LRRC7: variants seen among roughly 807,000 people sequenced by gnomAD.
LRRC7 encodes leucine-rich repeat-containing protein 7.
LRRC7 carries 23 observed loss-of-function variants against 175.7 expected under a neutral mutation model. The observed-to-expected ratio is 0.13, with a 90% confidence interval of 0.09 to 0.19. The LOEUF is 0.19. Ranked by LOEUF, LRRC7 falls within the 10% of genes least tolerant of loss-of-function variation. The probability of loss-of-function intolerance (pLI) is 1.00; values close to 1 mark genes in which losing one functional copy is unlikely to be tolerated. For synonymous variants in LRRC7, 685 were observed against 680.9 expected (o/e 1.01, Z -0.09); for missense variants, 1,354 against 1,904.7 (o/e 0.71, Z 5.38).
intron 26 of LRRC7, among the ~76,000 whole-genome samples, chr1:70,121,051 A>C (rs1482330348): frequency 1.3e-5 from 2 of 152,076 alleles, no homozygotes; most frequent in Non-Finnish European, 2.9e-5. Context: ...CATAATAGAC[A>C]GATGGAACTC....
chr1:69,789,655 A>G (rs2101053819), intron 3 of LRRC7, among the ~76,000 whole-genome samples: 1 of 152,178 alleles, frequency 6.6e-6, no homozygotes, highest in South Asian at 2.1e-4. Context: ...TAGCTGGAAT[A>G]TAGCACTCTC....
intron 7 of LRRC7, among the ~76,000 whole-genome samples, chr1:69,928,641 A>AT (rs1228917614): frequency 3.9e-5 from 6 of 152,172 alleles, no homozygotes; most frequent in African/African-American, 1.4e-4. Context: ...CTGGTGCGCC[A>AT]TTTTTTAAGC....
intron 1 of LRRC7, among the ~76,000 whole-genome samples, chr1:69,614,920 A>T (rs1330281105): frequency 6.6e-6 from 1 of 152,100 alleles, no homozygotes; most frequent in East Asian, 1.9e-4. Context: ...TTCACAACCT[A>T]TCCCACCTAA....
chr1:69,746,139 T>A (rs898628839), intron 2 of LRRC7, among the ~76,000 whole-genome samples: 1 of 151,950 alleles, frequency 6.6e-6, no homozygotes, highest in Non-Finnish European at 1.5e-5. Flanking sequence ...GCTCTTCAAT[T>A]TACATCCATG....
intron 7 of LRRC7, among the ~76,000 whole-genome samples, chr1:69,851,578 G>T (rs1682990811): frequency 6.6e-6 from 1 of 152,116 alleles, no homozygotes; most frequent in African/African-American, 2.4e-5. Flanking sequence ...CCCGGGAGTG[G>T]AAAGATAAAA....
At chr1:69,709,234 G>T (rs1022232710) in intron 2 of LRRC7, among the ~76,000 whole-genome samples, 8 of 152,214 alleles carry the variant, frequency 5.3e-5, no homozygotes, top group Non-Finnish European at 1.2e-4. Flanking sequence ...ACAGTTCAGT[G>T]CAGATTGAGA....
chr1:69,619,943 C>A (rs199835418), intron 1 of LRRC7, among the ~76,000 whole-genome samples: 1 of 134,766 alleles, frequency 7.4e-6, no homozygotes, highest in Non-Finnish European at 1.6e-5. Flanking sequence ...TTTAATATAA[C>A]AATATAAAAA....
intron 11 of LRRC7, among the ~76,000 whole-genome samples, chr1:69,999,415 G>GA (rs1003368839): frequency 1.3e-5 from 2 of 152,034 alleles, no homozygotes; most frequent in Admixed American, 1.3e-4. Flanking sequence ...CACAAAGCCA[G>GA]AAAAAAATAC....
Position 69,938,058 on chromosome 1 carries a change from A to G in LRRC7, c.711+6488A>G, listed in dbSNP as rs1648234531. ...AACAAAATATGATTTTAAAAACAAAACATTGAAATGATAGCAGCAAAAATA... is the reference window on the plus strand; with the variant it reads ...AACAAAATATGATTTTAAAAACAAAGCATTGAAATGATAGCAGCAAAAATA... On this transcript the variant is annotated intron_variant, in intron 8 of 26. Transcript: ENST00000651989. Among the ~76,000 whole-genome samples, 3 of 152,130 alleles carry G rather than the reference A, an allele frequency of 2.0e-5. No individual in the cohort carries two copies. The South Asian group carries it at 6.2e-4, about 32-fold the overall frequency.
At chr1:69,906,061 C>G (rs1398972216) in intron 7 of LRRC7, among the ~76,000 whole-genome samples, 15 of 152,272 alleles carry the variant, frequency 9.9e-5, no homozygotes, top group South Asian at 4.1e-4. Context: ...GTCTTCTTTT[C>G]AGAAGTGTCT....
At chr1:70,079,509 T>C (rs1663058573) in intron 24 of LRRC7, among the ~76,000 whole-genome samples, 1 of 152,198 alleles carries the variant, frequency 6.6e-6, no homozygotes, top group African/African-American at 2.4e-5. Flanking sequence ...TCTGTTAAAG[T>C]AAAGCTTGGA....
chr1:69,925,758 A>C (rs1019966048), intron 7 of LRRC7, among the ~76,000 whole-genome samples: 4 of 151,698 alleles, frequency 2.6e-5, no homozygotes, highest in African/African-American at 4.8e-5. Context: ...CAGCTCCTGG[A>C]TTCATTAATT....
Position 70,028,866 on chromosome 1 carries a change from T to C in LRRC7, c.1995+495T>C, listed in dbSNP as rs548860382. Among the ~76,000 whole-genome samples the C allele has an allele frequency of 1.6e-4, 24 of 152,312 alleles. No homozygotes were observed. The South Asian group carries it at 4.8e-3, about 30-fold the overall frequency. On this transcript the variant is annotated intron_variant, in intron 18 of 26. Coordinates refer to ENST00000651989, the MANE Select transcript of LRRC7 (RefSeq NM_001370785.2). The stretch of plus-strand genomic sequence containing the variant: ...AACTTTGAAATTTAGATTTATGGAA[T>C]CTAGTCATGTGAAGCTTAATTCCTA...
At chr1:69,999,132 C>T (rs546557457) in intron 11 of LRRC7, among the ~76,000 whole-genome samples, 1 of 152,212 alleles carries the variant, frequency 6.6e-6, no homozygotes, top group Non-Finnish European at 1.5e-5. Flanking sequence ...TAGTCATGTC[C>T]TTTGAAATCT....
chr1:69,846,889 GAAATA>G (rs1220107149), intron 7 of LRRC7, among the ~76,000 whole-genome samples: 1 of 151,908 alleles, frequency 6.6e-6, no homozygotes, highest in East Asian at 1.9e-4. Flanking sequence ...TATCATAAAT[GAAATA>G]ATGTTATTTT....
At chr1:69,834,638 A>G (rs747694063) in intron 5 of LRRC7, 142 bp from the exon 6 acceptor site, 12 of 722,852 alleles carry the variant, frequency 1.7e-5, no homozygotes, top group Non-Finnish European at 2.6e-5. Context: ...CATGCTCAAT[A>G]AATTCTTTCA....
chr1:70,028,932 T>C (rs1362519600), intron 18 of LRRC7, among the ~76,000 whole-genome samples: 1 of 152,200 alleles, frequency 6.6e-6, no homozygotes, highest in African/African-American at 2.4e-5. Context: ...ATTGATTTTG[T>C]GGTCTGAAAA....
chr1:70,013,050 A>T lies in LRRC7; in HGVS notation c.1211A>T (p.Gln404Leu). ...GAATTTCTTCCTGAAGAGATTGGAC[A>T]GATGCAGAAACTAAGAGTCCTAAAT... ...KLEFLPEEIG[Q>L]MQKLRVLNLS... Residue 404 changes from glutamine to leucine, a missense_variant, in exon 13 of 27, where the codon CAG becomes CTG. Physicochemically the swap from Gln to Leu is moderately radical, Grantham distance 113. Transcript: ENST00000651989. 9 of 1,586,584 alleles carry T rather than the reference A, an allele frequency of 5.7e-6. No homozygotes were observed. Among genetic ancestry groups the T allele is most frequent in the Non-Finnish European group, 6.9e-6 (8 of 1,165,104 alleles).
chr1:70,110,950 T>C (rs2102221577), intron 26 of LRRC7, among the ~76,000 whole-genome samples: 1 of 152,286 alleles, frequency 6.6e-6, no homozygotes. Flanking sequence ...GTTAATAACA[T>C]TGAGTTATCT....
Sources: allele counts gnomAD v4.1 joint callset (sites outside exome capture counted in the v4.1 genomes callset), GRCh38; gene constraint gnomAD v4.1.1; transcripts MANE v1.5; gene names NCBI Gene and HGNC (gene_info 2026-07-23, HGNC 2026-07-21).